Variants in NAA35 observed in about 807,000 individuals in gnomAD.
NAA35 encodes MAK10 homolog, amino-acid N-acetyltransferase subunit.
NAA35 carries 18 observed loss-of-function variants against 101.7 expected under a neutral mutation model. The ratio of observed to expected loss-of-function variants is 0.18; its 90% confidence interval spans 0.12 to 0.26. NAA35 has a LOEUF of 0.26. Ranked by LOEUF, NAA35 falls within the 10% of genes least tolerant of loss-of-function variation. The pLI is 1.00. For synonymous variants in NAA35, 267 were observed against 273.1 expected, an observed-to-expected ratio of 0.98 and a Z score of 0.22; for missense variants, 601 against 886.8, an observed-to-expected ratio of 0.68 and a Z score of 4.09.
At position 86,014,258 on chromosome 9, in the gene NAA35, G is replaced by C. The variant is rs375642413; in HGVS notation, c.1568+361G>C. 2.5e-4 allele frequency: 104 copies of C among 416,816 alleles called. No individual in the cohort carries two copies. In the South Asian group the frequency reaches 9.1e-3, roughly 36 times the overall value. The allele number at this position is 416,816 out of a possible 1,614,324, so 25.8% of individuals were successfully genotyped here. A position where few individuals can be genotyped will look rare whatever the true frequency, so the allele number is the denominator to read the frequency against. On this transcript the variant is annotated intron_variant, in intron 17 of 22. Transcript: ENST00000361671. The stretch of plus-strand genomic sequence containing the variant: ...TAAACATCAAATTGGAATGAGGTCT[G>C]TCTTCTTGGAAGAAATCATGACCAA...
intron 11 of NAA35, among the ~76,000 whole-genome samples, chr9:85,991,900 C>T (rs1232557159): frequency 7.9e-5 from 12 of 152,088 alleles, no homozygotes; most frequent in African/African-American, 2.9e-4. Flanking sequence ...ATGGGCCGGG[C>T]GTGGTGGCTC....
chr9:85,988,230 G>A (rs1830733377), intron 11 of NAA35, among the ~76,000 whole-genome samples: 1 of 152,116 alleles, frequency 6.6e-6, no homozygotes, highest in South Asian at 2.1e-4. Context: ...AAAAGAAACT[G>A]CATAGTATTT....
rs553895453 is a variant in NAA35, at chr9:86,002,448, T to C, written c.1057-1137T>C. 1.4e-4 allele frequency among the ~76,000 whole-genome samples: 22 copies of C among 152,314 alleles called. No homozygotes were observed. The South Asian group carries it at 3.5e-3, about 24-fold the overall frequency. Reference sequence around the variant, plus strand: ...TTTTCACGAACAATACCCAGAAATATATTTTCCAAGATGTTTGCTTTCTCC... The same window carrying C: ...TTTTCACGAACAATACCCAGAAATACATTTTCCAAGATGTTTGCTTTCTCC... On this transcript the variant is annotated intron_variant, in intron 12 of 22. Coordinates refer to ENST00000361671, the MANE Select transcript of NAA35 (RefSeq NM_024635.4).
At chr9:86,002,399 G>T (rs1489298973) in intron 12 of NAA35, among the ~76,000 whole-genome samples, 1 of 152,100 alleles carries the variant, frequency 6.6e-6, no homozygotes, top group Non-Finnish European at 1.5e-5. Flanking sequence ...TTGAATGTTG[G>T]CTTCTCTAGC....
chr9:85,949,113 A>G (rs181458811), intron 2 of NAA35, among the ~76,000 whole-genome samples: 1 of 151,900 alleles, frequency 6.6e-6, no homozygotes, highest in Admixed American at 6.6e-5. Context: ...CTTGTCCAGA[A>G]CTTTCACTGT....
intron 14 of NAA35, among the ~76,000 whole-genome samples, chr9:86,007,722 G>A (rs1055616757): frequency 6.6e-6 from 1 of 152,122 alleles, no homozygotes; most frequent in Non-Finnish European, 1.5e-5. Context: ...CGTAGTAGAG[G>A]CACTGCCCCG....
chr9:85,959,711 G>A (rs1419849656), intron 4 of NAA35, 82 bp from the exon 5 acceptor site: 11 of 875,980 alleles, frequency 1.3e-5, no homozygotes, highest in Non-Finnish European at 1.8e-5. Context: ...TTGAATGTTA[G>A]AAATCCAAAA....
At position 85,947,326 on chromosome 9, in the gene NAA35, T is replaced by G. The variant is rs141773492; in HGVS notation, c.124+5043T>G. On this transcript the variant is annotated intron_variant, in intron 2 of 22. Transcript: ENST00000361671. ...ATTCTTTGTGAAACTTTCAGTGAAA[T>G]CTTTTTTGCCCCCCACAGCCCCATC... Among the ~76,000 whole-genome samples, 639 of 152,318 alleles carry G rather than the reference T, an allele frequency of 4.2e-3. 4 individuals carry two copies. Among genetic ancestry groups the G allele is most frequent in the African/African-American group, 0.015 (612 of 41,568 alleles).
chr9:85,978,699 A>G (rs1830316119), intron 11 of NAA35, among the ~76,000 whole-genome samples: 1 of 152,150 alleles, frequency 6.6e-6, no homozygotes, highest in Non-Finnish European at 1.5e-5. Context: ...GCAGAGAAAG[A>G]GTTTAATTAT....
intron 18 of NAA35, 62 bp downstream of exon 18, chr9:86,016,737 A>C: frequency 2.0e-6 from 3 of 1,523,818 alleles, no homozygotes; most frequent in South Asian, 2.3e-5. Flanking sequence ...AGATAAATAG[A>C]TGGAGAGCTA....
chr9:85,945,803 G>A lies in NAA35; in HGVS notation c.124+3520G>A, dbSNP rs1179734683. On this transcript the variant is annotated intron_variant, in intron 2 of 22. Transcript: ENST00000361671. ...CAAAGTGCTGGGATTACAGGCATGA[G>A]CCACTGTGCCCAGCCTGACTCTGGT... 2.6e-5 allele frequency among the ~76,000 whole-genome samples: 4 copies of A among 152,248 alleles called. No individual in the cohort carries two copies. The East Asian group carries it at 7.7e-4, about 29-fold the overall frequency.
chr9:85,990,593 C>T (rs1174869392), intron 11 of NAA35, among the ~76,000 whole-genome samples: 1 of 152,214 alleles, frequency 6.6e-6, no homozygotes, highest in African/African-American at 2.4e-5. Context: ...TTAAAGATAA[C>T]AAAGGGAACC....
chr9:86,018,873 T>C (rs1242775650), intron 21 of NAA35, 52 bp downstream of exon 21: 2 of 1,592,782 alleles, frequency 1.3e-6, no homozygotes, highest in African/African-American at 2.7e-5. Flanking sequence ...AGGAAATACA[T>C]CTCTTACTGC....
intron 7 of NAA35, 37 bp from the exon 8 acceptor site, chr9:85,975,075 CAT>C (rs762206543): frequency 1.9e-6 from 3 of 1,610,680 alleles, no homozygotes; most frequent in Non-Finnish European, 2.5e-6. Flanking sequence ...TTTACATTTT[CAT>C]ATGTTTCCTT....
intron 1 of NAA35, 142 bp downstream of exon 1, chr9:85,941,415 G>T (rs1275036401): frequency 6.1e-6 from 6 of 985,402 alleles, no homozygotes; most frequent in Middle Eastern, 5.2e-4. Context: ...GGTAGGAGCG[G>T]CGGGCTCCCC....
chr9:85,984,542 A>T (rs915028139), intron 11 of NAA35, among the ~76,000 whole-genome samples: 7 of 152,190 alleles, frequency 4.6e-5, no homozygotes, highest in Admixed American at 2.6e-4. Context: ...GTTACACAGA[A>T]TCAAGACAGA....
rs1829078205 is a variant in NAA35 at position 85,952,798 on chromosome 9, C to G, written c.125-3562C>G. On this transcript the variant is annotated intron_variant, in intron 2 of 22. Transcript: ENST00000361671. ...AGAACTAAAAGTGAGTACATTTTGC[C>G]CTGTAGGTACCTCACTTACTGCACC... Among the ~76,000 whole-genome samples, 5 of 152,080 alleles carry G rather than the reference C, an allele frequency of 3.3e-5. No homozygotes were observed. The South Asian group carries it at 1.0e-3, about 32-fold the overall frequency.
rs1830128043 is a variant in NAA35, at chr9:85,974,449, G to GTTCCTAT, written c.517-517_517-516insTCCTATT. On this transcript the variant is annotated intron_variant, in intron 6 of 22. Coordinates refer to ENST00000361671, the MANE Select transcript of NAA35 (RefSeq NM_024635.4). ...ATGATTTGGGGAATGGGGGTCCTAT[G>GTTCCTAT]TCTGAATGACTCAGTTTTTTTCCTT... Among the ~76,000 whole-genome samples the GTTCCTAT allele has an allele frequency of 2.0e-5, 3 of 152,288 alleles. No homozygotes were observed. The South Asian group carries it at 6.2e-4, about 32-fold the overall frequency.
chr9:85,955,360 A>ATATATATTTT (rs749448250), intron 2 of NAA35, among the ~76,000 whole-genome samples: 14 of 53,928 alleles, frequency 2.6e-4, no homozygotes, highest in Admixed American at 3.8e-4. Context: ...ATATATATAT[A>ATATATATTTT]TTTTTTTTTT....
Sources: allele counts gnomAD v4.1 joint callset (sites outside exome capture counted in the v4.1 genomes callset), GRCh38; gene constraint gnomAD v4.1.1; transcripts MANE v1.5; gene names NCBI Gene and HGNC (gene_info 2026-07-23, HGNC 2026-07-21).